The following HMBOX1 variants were observed in gnomAD, a reference collection of about 807,000 sequenced individuals.
HMBOX1 encodes homeobox-containing protein 1.
HMBOX1 carries 14 observed loss-of-function variants against 54.5 expected under a neutral mutation model. The ratio of observed to expected loss-of-function variants is 0.26; its 90% CI spans 0.17 to 0.40. The LOEUF is 0.40. Among genes scored for constraint, HMBOX1 ranks in the 10% least tolerant of loss-of-function variants. HMBOX1 has a pLI of 1.00. For missense variants in HMBOX1, 332 were observed against 514.4 expected (o/e 0.65, Z 3.43); for synonymous variants, 160 against 181.0 (o/e 0.88, Z 0.93).
chr8:28,944,959 G>A (rs1822150203), intron 1 of HMBOX1, among the ~76,000 whole-genome samples: 1 of 152,060 alleles, frequency 6.6e-6, no homozygotes, highest in African/African-American at 2.4e-5. Flanking sequence ...TACCTGCCTA[G>A]CTCTGGATTT....
chr8:28,969,895 A>G (rs2132342754), intron 2 of HMBOX1, 148 bp from the exon 3 acceptor site: 1 of 617,988 alleles, frequency 1.6e-6, no homozygotes, highest in South Asian at 2.0e-5. Context: ...TCCATTTGCC[A>G]TGGCACAATC....
intron 4 of HMBOX1, among the ~76,000 whole-genome samples, chr8:28,995,966 C>T (rs1831758258): frequency 6.6e-6 from 1 of 151,908 alleles, no homozygotes; most frequent in South Asian, 2.1e-4. Flanking sequence ...ATTAGCCGGG[C>T]GTGGTGGCAG....
chr8:28,996,273 T>TTACA (rs761692383), intron 4 of HMBOX1, among the ~76,000 whole-genome samples: 28,833 of 152,092 alleles, frequency 0.19, 3,075 homozygotes, highest in South Asian at 0.3. Flanking sequence ...CATATACAAG[T>TTACA]TGAATTCTTT....
intron 5 of HMBOX1, among the ~76,000 whole-genome samples, chr8:29,016,872 A>G (rs899870740): frequency 6.6e-6 from 1 of 152,246 alleles, no homozygotes; most frequent in African/African-American, 2.4e-5. Context: ...TGATCCTTGA[A>G]GTGACATACC....
chr8:29,037,714 C>G (rs979631835), intron 6 of HMBOX1, among the ~76,000 whole-genome samples: 4 of 152,036 alleles, frequency 2.6e-5, no homozygotes, highest in East Asian at 3.8e-4. Flanking sequence ...TATTTAGTAC[C>G]CAGTCCCTGG....
intron 6 of HMBOX1, among the ~76,000 whole-genome samples, chr8:29,039,143 C>T (rs1376571207): frequency 6.6e-6 from 1 of 152,178 alleles, no homozygotes; most frequent in African/African-American, 2.4e-5. Flanking sequence ...TTTTACAGTA[C>T]TTCATAATAT....
At chr8:29,024,006 A>C (rs1451584637) in intron 6 of HMBOX1, among the ~76,000 whole-genome samples, 4 of 152,166 alleles carry the variant, frequency 2.6e-5, no homozygotes, top group African/African-American at 9.7e-5. Context: ...ATTGTTTCCC[A>C]ATCATTTTTC....
intron 1 of HMBOX1, among the ~76,000 whole-genome samples, chr8:28,938,592 G>T (rs1040505482): frequency 1.3e-5 from 2 of 150,976 alleles, no homozygotes; most frequent in African/African-American, 2.4e-5. Context: ...GATTACAGGC[G>T]CACACCACCA....
intron 1 of HMBOX1, among the ~76,000 whole-genome samples, chr8:28,909,914 C>T (rs1815084668): frequency 6.6e-6 from 1 of 151,746 alleles, no homozygotes; most frequent in African/African-American, 2.4e-5. Flanking sequence ...GGCTGTAGTA[C>T]TGTGGTGTGA....
chr8:28,954,002 A>G (rs765373194), intron 1 of HMBOX1, among the ~76,000 whole-genome samples: 2 of 152,142 alleles, frequency 1.3e-5, no homozygotes, highest in Admixed American at 6.5e-5. Flanking sequence ...AGTTTAGGGG[A>G]GAGGATGTTC....
rs985825927 is a variant in HMBOX1 at position 28,898,968 on chromosome 8, A to G, written c.-58+8290A>G. On this transcript the variant is annotated intron_variant, in intron 1 of 9. Transcript: ENST00000287701. The stretch of plus-strand genomic sequence containing the variant: ...CTTGTTGGTGTTGAACAAGGCACTC[A>G]GTTAAACATGTCAAGTCTAGCAGTG... 5.9e-5 allele frequency among the ~76,000 whole-genome samples: 9 copies of G among 152,364 alleles called. 1 individual carries two copies. The highest frequency in any genetic ancestry group is 4.1e-4 in the South Asian group (2 of 4,822).
At chr8:28,898,775 ACAGTGTGTTT>A (rs774235029) in intron 1 of HMBOX1, among the ~76,000 whole-genome samples, 2 of 152,178 alleles carry the variant, frequency 1.3e-5, no homozygotes, top group African/African-American at 2.4e-5. Flanking sequence ...GTTGATGGTG[ACAGTGTGTTT>A]CTTTTAGTTC....
At chr8:29,015,627 A>G (rs1052538141) in intron 5 of HMBOX1, among the ~76,000 whole-genome samples, 3 of 152,184 alleles carry the variant, frequency 2.0e-5, no homozygotes, top group East Asian at 1.9e-4. Flanking sequence ...TTAACTTTCA[A>G]TTAGGCCCAG....
intron 6 of HMBOX1, among the ~76,000 whole-genome samples, chr8:29,032,471 A>AT (rs994062509): frequency 4.0e-4 from 61 of 151,604 alleles, no homozygotes; most frequent in Non-Finnish European, 6.3e-4. Flanking sequence ...CTTTTGATCA[A>AT]TTTTTTTTTC....
chr8:28,982,052 A>T (rs1326326164), intron 4 of HMBOX1, among the ~76,000 whole-genome samples: 1 of 152,016 alleles, frequency 6.6e-6, no homozygotes, highest in Non-Finnish European at 1.5e-5. Context: ...CCTGGCTAAC[A>T]CGGTGAAACT....
rs989365697 is a variant in HMBOX1 at position 28,905,353 on chromosome 8, A to ACG, written c.-58+14677_-58+14678dup. Among the ~76,000 whole-genome samples the ACG allele has an allele frequency of 1.3e-3, 202 of 152,158 alleles. 7 individuals carry two copies. In the East Asian group the frequency reaches 0.038, roughly 28 times the overall value. On this transcript the variant is annotated intron_variant, in intron 1 of 9. Coordinates refer to ENST00000287701, the MANE Select transcript of HMBOX1 (RefSeq NM_001135726.3). The stretch of plus-strand genomic sequence containing the variant: ...CGCGCGTGCATGCGCACACACACGC[A>ACG]CGCACACACACACACACACGCAGAG...
chr8:28,890,193 G>C, upstream of HMBOX1: 1 of 393,266 alleles, frequency 2.5e-6, no homozygotes, highest in South Asian at 2.5e-5. Context: ...CGGGCCTGGG[G>C]CCCATGGTGT....
intron 1 of HMBOX1, among the ~76,000 whole-genome samples, chr8:28,896,036 G>T (rs764608677): frequency 2.0e-5 from 3 of 152,128 alleles, no homozygotes; most frequent in African/African-American, 4.8e-5. Flanking sequence ...CAAAAATTGA[G>T]AGTCATACCA....
intron 6 of HMBOX1, among the ~76,000 whole-genome samples, chr8:29,027,434 T>C (rs1802231923): frequency 6.6e-6 from 1 of 152,206 alleles, no homozygotes; most frequent in Admixed American, 6.5e-5. Flanking sequence ...ATGTACTCTT[T>C]CCTTACTAAT....
Sources: allele counts gnomAD v4.1 joint callset (sites outside exome capture counted in the v4.1 genomes callset), GRCh38; gene constraint gnomAD v4.1.1; transcripts MANE v1.5; gene names NCBI Gene and HGNC (gene_info 2026-07-23, HGNC 2026-07-21).